DTWD2: variants seen among roughly 807,000 people sequenced by gnomAD.
DTWD2 encodes DTW motif tRNA-uridine aminocarboxypropyltransferase 2, also known as tRNA-uridine aminocarboxypropyltransferase 2.
DTWD2 carries 39 observed loss-of-function variants against 31.8 expected under a neutral mutation model. The observed-to-expected ratio is 1.22, with a 90% CI of 0.95 to 1.60. The LOEUF is 1.60. DTWD2 is among the 40% of genes most tolerant of loss of function. The pLI is 0.00. For missense variants in DTWD2, 515 were observed against 381.5 expected (o/e 1.35, Z -2.92); for synonymous variants, 180 against 142.8 (o/e 1.26, Z -1.86).
At chr5:118,987,679 T>G (rs1755458346) in intron 1 of DTWD2, among the ~76,000 whole-genome samples, 1 of 152,232 alleles carries the variant, frequency 6.6e-6, no homozygotes, top group South Asian at 2.1e-4. Context: ...GCATTGTCAG[T>G]GATTACCAAA....
chr5:118,899,311 A>G (rs1326180873), intron 4 of DTWD2, among the ~76,000 whole-genome samples: 3 of 152,240 alleles, frequency 2.0e-5, no homozygotes, highest in African/African-American at 7.2e-5. Context: ...TAATGAATCA[A>G]TGATATTTAT....
intron 4 of DTWD2, among the ~76,000 whole-genome samples, chr5:118,863,884 C>T (rs997900352): frequency 2.0e-5 from 3 of 151,982 alleles, no homozygotes; most frequent in African/African-American, 7.3e-5. Context: ...CCCAAAGCCA[C>T]TGGCTAATAA....
chr5:118,913,120 G>A (rs560217350), intron 4 of DTWD2, among the ~76,000 whole-genome samples: 141 of 152,132 alleles, frequency 9.3e-4, no homozygotes, highest in African/African-American at 3.2e-3. Flanking sequence ...CAGGGTCATC[G>A]CCAAGGTCTG....
At chr5:118,930,542 A>G (rs896197340) in intron 3 of DTWD2, among the ~76,000 whole-genome samples, 1 of 151,444 alleles carries the variant, frequency 6.6e-6, no homozygotes, top group Admixed American at 6.6e-5. Context: ...AAACCAGAGG[A>G]AAAAAAAAGA....
chr5:118,986,966 G>C (rs1755441336), intron 1 of DTWD2, among the ~76,000 whole-genome samples: 1 of 152,096 alleles, frequency 6.6e-6, no homozygotes, highest in Non-Finnish European at 1.5e-5. Context: ...CTGAAAAAAA[G>C]ATTAAATTCA....
chr5:118,919,068 CATACAT>C (rs1753644437), intron 4 of DTWD2, among the ~76,000 whole-genome samples: 1 of 152,174 alleles, frequency 6.6e-6, no homozygotes, highest in Admixed American at 6.5e-5. Flanking sequence ...ATATTATACA[CATACAT>C]ATATTTATTT....
intron 4 of DTWD2, among the ~76,000 whole-genome samples, chr5:118,920,735 T>C (rs957315283): frequency 6.6e-6 from 1 of 152,212 alleles, no homozygotes; most frequent in Admixed American, 6.5e-5. Flanking sequence ...TACTTAGAAA[T>C]ATTACAGTTA....
At chr5:118,841,680 C>A (rs762973946) in intron 5 of DTWD2, among the ~76,000 whole-genome samples, 6 of 151,958 alleles carry the variant, frequency 3.9e-5, no homozygotes, top group Non-Finnish European at 7.4e-5. Flanking sequence ...AACAGAAACA[C>A]GTAAACTGGG....
At chr5:118,875,482 G>T (rs1219321845) in intron 4 of DTWD2, among the ~76,000 whole-genome samples, 1 of 149,510 alleles carries the variant, frequency 6.7e-6, no homozygotes, top group Non-Finnish European at 1.5e-5. Flanking sequence ...GATATACATG[G>T]GCTCAAAATA....
chr5:118,836,717 A>C lies in DTWD2; in HGVS notation c.*4200T>G, dbSNP rs539852630. Among the ~76,000 whole-genome samples the C allele has an allele frequency of 4.6e-4, 70 of 152,308 alleles. 3 individuals carry two copies. In the South Asian group the frequency reaches 0.015, roughly 32 times the overall value. On this transcript the variant is annotated 3_prime_UTR_variant, in exon 6 of 6. Coordinates refer to ENST00000510708, the MANE Select transcript of DTWD2 (RefSeq NM_173666.4). ...ACCTTTGGGGGATGATTAGGTCATA[A>C]GGGTCTCAGAGAGCTAGCTCGACCC...
chr5:118,942,219 G>A (rs1754223323), intron 2 of DTWD2, among the ~76,000 whole-genome samples: 1 of 152,162 alleles, frequency 6.6e-6, no homozygotes, highest in Admixed American at 6.6e-5. Flanking sequence ...AAATTCCTTT[G>A]CTAAGAATGG....
At chr5:118,951,693 A>G (rs546956696) in intron 1 of DTWD2, among the ~76,000 whole-genome samples, 10 of 152,206 alleles carry the variant, frequency 6.6e-5, no homozygotes, top group South Asian at 2.1e-4. Context: ...AAGGGAGAAG[A>G]AGGAGGAATG....
At chr5:118,859,138 C>A (rs1038754125) in intron 4 of DTWD2, among the ~76,000 whole-genome samples, 1 of 151,140 alleles carries the variant, frequency 6.6e-6, no homozygotes, top group Non-Finnish European at 1.5e-5. Flanking sequence ...ATTATTTCAG[C>A]GGAGGATTGC....
At chr5:118,958,571 C>G (rs1211034737) in intron 1 of DTWD2, among the ~76,000 whole-genome samples, 2 of 140,802 alleles carry the variant, frequency 1.4e-5, no homozygotes, top group Non-Finnish European at 3.0e-5. Context: ...TTAACACCAA[C>G]CCCACAGAAA....
intron 4 of DTWD2, among the ~76,000 whole-genome samples, chr5:118,926,449 C>G (rs1308383777): frequency 2.0e-5 from 3 of 152,076 alleles, no homozygotes; most frequent in African/African-American, 4.8e-5. Context: ...GTACACTGCT[C>G]AGGTGACGGG....
In DTWD2 at chr5:118,898,025, A is replaced by G. The variant is rs1192602352; in HGVS notation, c.597+30512T>C. ...ACCACAGGCATGTGCCACCATGCCC[A>G]GCTAATTTTTTAAACTTTTAGTAGA... On this transcript the variant is annotated intron_variant, in intron 4 of 5. Transcript: ENST00000510708. Among the ~76,000 whole-genome samples the G allele has an allele frequency of 2.0e-5, 3 of 152,020 alleles. No individual in the cohort carries two copies. In the East Asian group the frequency reaches 5.8e-4, roughly 29 times the overall value.
In DTWD2 at chr5:118,848,164, T is replaced by C. The variant is rs774329360; in HGVS notation, c.652A>G (p.Asn218Asp). 4.4e-6 allele frequency: 7 copies of C among 1,607,336 alleles called. No homozygotes were observed. Among genetic ancestry groups the C allele is most frequent in the Non-Finnish European group, 5.9e-6 (7 of 1,177,128 alleles). ...SQYVIRMQPT[N>D]RCLSTLECAA... ...CACTCCAGTGTAGAAAGGCATCTAT[T>C]AGTCGGCTGCATCCGAATTACATAC... The change falls in exon 5 of 6, where the codon AAT becomes GAT. Residue 218 changes from asparagine (N) to aspartate (D), a missense_variant. Asn to Asp is a conservative substitution (Grantham distance 23, BLOSUM62 1). Coordinates refer to ENST00000510708, the MANE Select transcript of DTWD2 (RefSeq NM_173666.4).
At chr5:118,892,136 G>C (rs570492340) in intron 4 of DTWD2, among the ~76,000 whole-genome samples, 3 of 151,928 alleles carry the variant, frequency 2.0e-5, no homozygotes, top group Non-Finnish European at 4.4e-5. Context: ...TTGATATCCA[G>C]TGTGTATTTT....
chr5:118,874,100 G>C (rs1198203364), intron 4 of DTWD2, among the ~76,000 whole-genome samples: 1 of 152,140 alleles, frequency 6.6e-6, no homozygotes, highest in South Asian at 2.1e-4. Context: ...CATTGGCCCT[G>C]TAAAAACTCC....
Sources: gnomAD v4.1 joint callset for allele counts (sites outside exome capture counted in the v4.1 genomes callset) on GRCh38, gnomAD v4.1.1 for gene constraint, MANE v1.5 for transcripts, NCBI Gene and HGNC (gene_info 2026-07-23, HGNC 2026-07-21) for gene names.